CNPPD1: variants seen among roughly 807,000 people sequenced by gnomAD.
CNPPD1 encodes the protein cyclin Pas1/PHO80 domain containing 1, also known as protein CNPPD1.
A neutral mutation model predicts 43.7 loss-of-function variants in CNPPD1; 40 were observed. That is an observed-to-expected ratio of 0.92 (90% CI 0.71 to 1.19). CNPPD1 has a LOEUF of 1.19. Ranked by LOEUF, CNPPD1 falls within the 50% of genes most tolerant of loss-of-function variation. The pLI is 0.00. For synonymous variants in CNPPD1, 208 were observed against 214.3 expected (o/e 0.97, Z 0.26); for missense variants, 511 against 518.5 (o/e 0.99, Z 0.14).
intron 7 of CNPPD1, 98 bp downstream of exon 7, chr2:219,173,252 C>T (rs1559214232): frequency 2.8e-6 from 4 of 1,432,172 alleles, no homozygotes; most frequent in Non-Finnish European, 3.9e-6. Flanking sequence ...CCATCTATTC[C>T]CAACCCCATC....
intron 7 of CNPPD1, 99 bp from the exon 8 acceptor site, chr2:219,173,227 T>C: frequency 7.0e-7 from 1 of 1,424,230 alleles, no homozygotes; most frequent in East Asian, 2.3e-5. Context: ...TATAGCCATT[T>C]ACACCCCACT....
rs1410166010 is a variant in CNPPD1, at chr2:219,174,834, C to T, written c.454G>A (p.Gly152Arg). Residue 152 changes from glycine (G) to arginine (R), a missense_variant, in exon 5 of 8, where the codon GGG (glycine) becomes AGG (arginine). Gly to Arg is a moderately radical substitution (Grantham distance 125). Transcript: ENST00000360507. ...TTGAGAGTGGGCACGGCCACACCCC[C>T]AGCAGCTCCCCATTCGTCGTTGAAG... ...EVFNDEWGAA[G>R]GVAVPTLNAL... The T allele has an allele frequency of 2.5e-6, 4 of 1,613,934 alleles. No individual in the cohort carries two copies. The highest frequency in any genetic ancestry group is 2.2e-5 in the East Asian group (1 of 44,900).
upstream of CNPPD1, chr2:219,177,110 G>A (rs987093089): frequency 3.9e-5 from 14 of 363,130 alleles, 1 homozygote; most frequent in Admixed American, 9.6e-5. Flanking sequence ...TCACCTCGCG[G>A]AGCAGAAAGG....
In CNPPD1 at chr2:219,172,632, C is replaced by T. The variant is rs753436156; in HGVS notation, c.1187G>A (p.Ser396Asn). The T allele has an allele frequency of 3.1e-6, 5 of 1,614,190 alleles. No homozygotes were observed. In the South Asian group the frequency reaches 5.5e-5, roughly 18 times the overall value. ...LPQPQQCSLFSVMELARLKSF... is the reference protein window; with the variant it reads ...LPQPQQCSLFNVMELARLKSF... Reference sequence around the variant, plus strand: ...CTTGAGGCGAGCCAGCTCCATGACACTGAAAAGGGAACATTGCTGAGGCTG... The same window carrying T: ...CTTGAGGCGAGCCAGCTCCATGACATTGAAAAGGGAACATTGCTGAGGCTG... The change falls in exon 8 of 8, where the codon AGT becomes AAT. Residue 396 changes from serine (S) to asparagine (N), a missense_variant. Physicochemically the swap from Ser to Asn is conservative, Grantham distance 46. Transcript: ENST00000360507.
At position 219,172,665 on chromosome 2, in the gene CNPPD1, G is replaced by A. The variant is rs1448270486; in HGVS notation, c.1154C>T (p.Ser385Leu). 1 of 1,614,056 alleles carries A rather than the reference G, an allele frequency of 6.2e-7. No individual in the cohort carries two copies. Among genetic ancestry groups the A allele is most frequent in the African/African-American group, 1.3e-5 (1 of 74,940 alleles). Reference sequence around the variant, plus strand: ...GGAACATTGCTGAGGCTGAGGAAGTGAAAGGAGCACCGGGCTCCAAGGCCA... The same window carrying A: ...GGAACATTGCTGAGGCTGAGGAAGTAAAAGGAGCACCGGGCTCCAAGGCCA... The part of the protein sequence containing the change: ...PPWPWSPVLL[S>L]LPQPQQCSLF... The change falls in exon 8 of 8, where the codon TCA becomes TTA. Residue 385 changes from serine (S) to leucine (L), a missense_variant. By Grantham distance (145) the Ser-to-Leu change is moderately radical. Transcript: ENST00000360507.
At chr2:219,176,532 G>A (rs1467093578) in intron 1 of CNPPD1, among the ~76,000 whole-genome samples, 1 of 152,206 alleles carries the variant, frequency 6.6e-6, no homozygotes, top group East Asian at 1.9e-4. Context: ...CCCCCATCGA[G>A]GGTTCCCCGG....
intron 6 of CNPPD1, 84 bp downstream of exon 6, chr2:219,174,062 C>T (rs1950119437): frequency 7.6e-7 from 1 of 1,322,008 alleles, no homozygotes; most frequent in Non-Finnish European, 1.1e-6. Flanking sequence ...CCCCCAGTTA[C>T]ACAGACTCTC....
chr2:219,174,240 C>T (rs41272695), intron 5 of CNPPD1, 33 bp from the exon 6 acceptor site: 14 of 1,601,928 alleles, frequency 8.7e-6, no homozygotes, highest in Admixed American at 3.3e-5. Flanking sequence ...TCAAACCAGA[C>T]TTGGATGAGC....
chr2:219,172,901 C>A lies in CNPPD1; in HGVS notation c.918G>T (p.Arg306=). ...AGGCCAGAAGACTGCCCCAGAGTGA[C>A]CGCAGCCCCATGCTGCCTTCCAGGC... ...SSCLEGSMGL[R]SLWGSLLASL... is the part of the protein sequence containing the mutation. Residue 306 remains arginine, a synonymous_variant, in exon 8 of 8, where the codon CGG becomes CGT. Coordinates refer to ENST00000360507, the MANE Select transcript of CNPPD1 (RefSeq NM_015680.6). The A allele has an allele frequency of 6.2e-7, 1 of 1,609,650 alleles. No homozygotes were observed. The highest frequency in any genetic ancestry group is 8.5e-7 in the Non-Finnish European group (1 of 1,177,580).
In CNPPD1 at chr2:219,174,997, C is replaced by A. The variant is rs549300776; in HGVS notation, c.372G>T (p.Leu124=). 6.2e-7 allele frequency: 1 copy of A among 1,613,938 alleles called. No homozygotes were observed. The highest frequency in any genetic ancestry group is 1.1e-5 in the South Asian group (1 of 91,066). ...GGAGGGGGTGTCTTACCATGGAGAT[C>A]AGGAACAAGTCAGAGGATGACACAT... ...LQHVSSSDLF[L]ISMMVASKYL... Residue 124 remains leucine (L), a synonymous_variant, in exon 4 of 8, where the codon CTG becomes CTT. Coordinates refer to ENST00000360507, the MANE Select transcript of CNPPD1 (RefSeq NM_015680.6).
At chr2:219,178,056 G>T (rs1950205678), upstream of CNPPD1, 2 of 189,874 alleles carry the variant, frequency 1.1e-5, no homozygotes, top group Admixed American at 6.1e-5. Flanking sequence ...AAGAAAACGG[G>T]CTCGACTGCC....
At chr2:219,173,191 A>C in intron 7 of CNPPD1, 63 bp from the exon 8 acceptor site, 2 of 1,500,652 alleles carry the variant, frequency 1.3e-6, no homozygotes, top group East Asian at 4.5e-5. Context: ...TTGTCTCTAG[A>C]AATCTGTGTT....
rs1293323648 is a variant in CNPPD1, at chr2:219,172,884, A to G, written c.935T>C (p.Leu312Pro). 1 of 1,603,090 alleles carries G rather than the reference A, an allele frequency of 6.2e-7. No individual in the cohort carries two copies. The highest frequency in any genetic ancestry group is 1.1e-5 in the South Asian group (1 of 89,450). ...TGGTGGAGGAGTCAGTGAGGCCAGA[A>G]GACTGCCCCAGAGTGACCGCAGCCC... Reference protein sequence around the residue: ...SMGLRSLWGSLLASLTPPPLP... With the variant: ...SMGLRSLWGSPLASLTPPPLP... The change falls in exon 8 of 8, where the codon CTT becomes CCT. Residue 312 changes from leucine to proline, a missense_variant. Leu to Pro is a moderately conservative substitution (Grantham distance 98). Transcript: ENST00000360507.
chr2:219,176,838 A>C lies in CNPPD1; in HGVS notation c.-10T>G. 1 of 1,567,618 alleles carries C rather than the reference A, an allele frequency of 6.4e-7. No homozygotes were observed. The highest frequency in any genetic ancestry group is 1.2e-5 in the South Asian group (1 of 85,512). On this transcript the variant is annotated 5_prime_UTR_variant, in exon 1 of 8. Coordinates refer to ENST00000360507, the MANE Select transcript of CNPPD1 (RefSeq NM_015680.6). ...GCCCGGTCAGGTCCATCGCGCCGCC[A>C]GTCGCCGCCCTGCGAAGGTGAACGG...
chr2:219,176,715 AG>A, intron 1 of CNPPD1, 44 bp downstream of exon 1: 1 of 1,342,724 alleles, frequency 7.4e-7, no homozygotes, highest in Non-Finnish European at 1.0e-6. Context: ...TCAGGCCGGG[AG>A]GGGCGCGCCG....
chr2:219,173,267 G>T, intron 7 of CNPPD1, 83 bp downstream of exon 7: 1 of 1,456,842 alleles, frequency 6.9e-7, no homozygotes. Context: ...CCCATCTCCT[G>T]GGCTTTTCAG....
Position 219,175,628 on chromosome 2 carries a change from G to T in CNPPD1, c.223C>A (p.Arg75Ser), listed in dbSNP as rs140012644. 6.2e-7 allele frequency: 1 copy of T among 1,613,878 alleles called. No individual in the cohort carries two copies. Among genetic ancestry groups the T allele is most frequent in the African/African-American group, 1.3e-5 (1 of 74,888 alleles). ...GCTACATATTTCTTCTGGAGTCGGCGAATAGGGCTGGGGGCTGCCTTCTGG... is the reference window on the plus strand; with the variant it reads ...GCTACATATTTCTTCTGGAGTCGGCTAATAGGGCTGGGGGCTGCCTTCTGG... ...LLQKAAPSPI[R>S]RLQKKYVAHV... The change falls in exon 3 of 8, where the codon CGC (arginine) becomes AGC (serine). Residue 75 changes from arginine to serine, a missense_variant. By Grantham distance (110) the Arg-to-Ser change is moderately radical (BLOSUM62 -1). Coordinates refer to ENST00000360507, the MANE Select transcript of CNPPD1 (RefSeq NM_015680.6).
At position 219,176,890 on chromosome 2, in the gene CNPPD1, G is replaced by T; in HGVS notation, c.-62C>A. The T allele has an allele frequency of 1.4e-6, 2 of 1,419,082 alleles. No individual in the cohort carries two copies. The highest frequency in any genetic ancestry group is 1.4e-5 in the African/African-American group (1 of 69,918). The allele number at this position is 1,419,082 out of a possible 1,614,324, so 87.9% of individuals were successfully genotyped here. ...AGGAAACGAGTTGTAGGGGGCTCGC[G>T]GAGCTGTCCTTGCCCGCCTGTCCAC... On this transcript the variant is annotated 5_prime_UTR_variant, in exon 1 of 8. Coordinates refer to ENST00000360507, the MANE Select transcript of CNPPD1 (RefSeq NM_015680.6).
In CNPPD1 at chr2:219,174,122, T is replaced by C. The variant is rs780710310; in HGVS notation, c.572+24A>G. On this transcript the variant is annotated intron_variant, in intron 6 of 7. Transcript: ENST00000360507. ...CTCAGCCCCCAAATCCCTCGAGCCC[T>C]TCTTCCCAACTCCTAGAACCTACCA... The C allele has an allele frequency of 4.3e-6, 7 of 1,613,422 alleles. No homozygotes were observed. In the African/African-American group the frequency reaches 8.0e-5, roughly 18 times the overall value.
Sources: allele counts gnomAD v4.1 joint callset (sites outside exome capture counted in the v4.1 genomes callset), GRCh38; gene constraint gnomAD v4.1.1; transcripts MANE v1.5; gene names NCBI Gene and HGNC (gene_info 2026-07-23, HGNC 2026-07-21).